The following CLSTN2 variants were observed in gnomAD, a reference collection of about 807,000 sequenced individuals.
CLSTN2 encodes the protein calsyntenin-2.
CLSTN2 carries 48 observed loss-of-function variants against 101.2 expected under a neutral mutation model. The observed-to-expected ratio is 0.47, with a 90% confidence interval of 0.38 to 0.60. The LOEUF (loss-of-function observed/expected upper bound fraction) is 0.60, where lower values mean the gene tolerates loss of function less well. Ranked by LOEUF, CLSTN2 falls within the 20% of genes least tolerant of loss-of-function variation. The pLI is 0.00. For synonymous variants in CLSTN2, 481 were observed against 463.6 expected, an observed-to-expected ratio of 1.04 and a Z score of -0.48; for missense variants, 1,160 against 1,238.2, an observed-to-expected ratio of 0.94 and a Z score of 0.95.
At chr3:139,955,206 G>A (rs1430132792) in intron 1 of CLSTN2, among the ~76,000 whole-genome samples, 6 of 143,294 alleles carry the variant, frequency 4.2e-5, no homozygotes, top group Non-Finnish European at 9.0e-5. Context: ...CTGGGTGGCT[G>A]ACCCGTGCAT....
At chr3:140,115,134 C>G (rs2009219678) in intron 1 of CLSTN2, among the ~76,000 whole-genome samples, 1 of 152,158 alleles carries the variant, frequency 6.6e-6, no homozygotes, top group African/African-American at 2.4e-5. Flanking sequence ...ACTGAAGTTC[C>G]AAGAGTTGCA....
chr3:140,294,375 T>C (rs960287270), intron 2 of CLSTN2, among the ~76,000 whole-genome samples: 9 of 152,194 alleles, frequency 5.9e-5, no homozygotes, highest in African/African-American at 2.2e-4. Flanking sequence ...TCATGCTACA[T>C]GCCTACACTG....
chr3:140,078,602 G>A (rs971571198), intron 1 of CLSTN2, among the ~76,000 whole-genome samples: 2 of 152,168 alleles, frequency 1.3e-5, no homozygotes, highest in African/African-American at 4.8e-5. Flanking sequence ...ACAAAAGAGG[G>A]CGGGAGTGAC....
intron 2 of CLSTN2, among the ~76,000 whole-genome samples, chr3:140,182,328 G>A (rs536350393): frequency 6.6e-6 from 1 of 152,164 alleles, no homozygotes; most frequent in East Asian, 1.9e-4. Context: ...CTAATATTTA[G>A]GCAGTTTATG....
chr3:140,194,901 G>A lies in CLSTN2; in HGVS notation c.232+18828G>A, dbSNP rs1471367009. ...GCCTTTTCTGATACAACCCCAGTGG[G>A]GAGAGGATAGAACTCCTCATTACTG... On this transcript the variant is annotated intron_variant, in intron 2 of 16. Transcript: ENST00000458420. Among the ~76,000 whole-genome samples the A allele has an allele frequency of 1.3e-5, 2 of 152,218 alleles. 1 individual carries two copies. The highest frequency in any genetic ancestry group is 2.9e-5 in the Non-Finnish European group (2 of 68,040).
chr3:140,431,690 C>A (rs1290394460), intron 5 of CLSTN2, among the ~76,000 whole-genome samples: 1 of 152,160 alleles, frequency 6.6e-6, no homozygotes, highest in Admixed American at 6.5e-5. Flanking sequence ...ATGCCCTGAA[C>A]CCCACACAGG....
At chr3:140,319,364 G>C (rs1157878136) in intron 2 of CLSTN2, among the ~76,000 whole-genome samples, 1 of 152,138 alleles carries the variant, frequency 6.6e-6, no homozygotes. Context: ...GGCTGCCAGT[G>C]GTACTTGGGT....
intron 2 of CLSTN2, among the ~76,000 whole-genome samples, chr3:140,360,078 A>G (rs2087711848): frequency 6.6e-6 from 1 of 152,184 alleles, no homozygotes; most frequent in African/African-American, 2.4e-5. Flanking sequence ...CATGCTGGGA[A>G]CACATTTATA....
At chr3:140,113,065 G>T (rs908937334) in intron 1 of CLSTN2, among the ~76,000 whole-genome samples, 1 of 152,114 alleles carries the variant, frequency 6.6e-6, no homozygotes, top group Non-Finnish European at 1.5e-5. Context: ...GGAACCAATT[G>T]TTAAATACTC....
At chr3:140,510,948 C>G (rs911756310) in intron 8 of CLSTN2, among the ~76,000 whole-genome samples, 6 of 152,162 alleles carry the variant, frequency 3.9e-5, no homozygotes, top group African/African-American at 1.4e-4. Context: ...CACAGATCAT[C>G]CCATCACCTA....
chr3:140,235,780 A>T (rs558031093), intron 2 of CLSTN2, among the ~76,000 whole-genome samples: 2 of 152,164 alleles, frequency 1.3e-5, no homozygotes, highest in Non-Finnish European at 2.9e-5. Flanking sequence ...ATGCCTTATG[A>T]TTGGAGGAGT....
chr3:140,144,599 G>C (rs1453137125), intron 1 of CLSTN2, among the ~76,000 whole-genome samples: 1 of 152,004 alleles, frequency 6.6e-6, no homozygotes, highest in Non-Finnish European at 1.5e-5. Flanking sequence ...CTGGGCATCA[G>C]AGCGAGACTT....
At chr3:140,013,043 G>A (rs1335566895) in intron 1 of CLSTN2, among the ~76,000 whole-genome samples, 1 of 152,192 alleles carries the variant, frequency 6.6e-6, no homozygotes, top group African/African-American at 2.4e-5. Context: ...GCATCATGGA[G>A]GCCAAGGGAG....
At chr3:140,419,373 T>G (rs1434189654) in intron 4 of CLSTN2, among the ~76,000 whole-genome samples, 1 of 145,180 alleles carries the variant, frequency 6.9e-6, no homozygotes, top group East Asian at 2.0e-4. Context: ...GTCCCAGTAC[T>G]TGGGAGGCTG....
Position 140,564,029 on chromosome 3 carries a change from G to T in CLSTN2, c.2551G>T (p.Gly851Cys). Residue 851 changes from glycine to cysteine, a missense_variant, in exon 16 of 17, where the codon GGT (glycine) becomes TGT (cysteine). Transcript: ENST00000458420. ...CATGCTTGTGTTTGTCGTGGCCATG[G>T]GTGTGTACCGGGTCCGGATCGCCCA... Reference protein sequence around the residue: ...VCMLVFVVAMGVYRVRIAHQH... With the variant: ...VCMLVFVVAMCVYRVRIAHQH... 1 of 1,614,116 alleles carries T rather than the reference G, an allele frequency of 6.2e-7. No homozygotes were observed. Among genetic ancestry groups the T allele is most frequent in the Non-Finnish European group, 8.5e-7 (1 of 1,180,002 alleles).
chr3:140,515,631 A>ACCT (rs1438873886), intron 8 of CLSTN2, among the ~76,000 whole-genome samples: 3 of 152,138 alleles, frequency 2.0e-5, no homozygotes, highest in African/African-American at 7.2e-5. Flanking sequence ...TTACCCAACA[A>ACCT]GCATTCAGGA....
chr3:140,248,663 C>A (rs753293050), intron 2 of CLSTN2, among the ~76,000 whole-genome samples: 3 of 152,166 alleles, frequency 2.0e-5, no homozygotes, highest in Admixed American at 2.0e-4. Context: ...GGCCTGGTAA[C>A]AACAACTCTA....
At chr3:140,023,921 C>T (rs1339103994) in intron 1 of CLSTN2, among the ~76,000 whole-genome samples, 1 of 152,226 alleles carries the variant, frequency 6.6e-6, no homozygotes, top group East Asian at 1.9e-4. Flanking sequence ...CTGCAGGCCT[C>T]ACTGCCTCCC....
intron 2 of CLSTN2, among the ~76,000 whole-genome samples, chr3:140,255,226 G>A (rs183264542): frequency 1.6e-4 from 24 of 152,316 alleles, no homozygotes; most frequent in East Asian, 5.8e-4. Flanking sequence ...TTCAGCCATC[G>A]TGGAAAGCAG....
Sources: gnomAD v4.1 joint callset for allele counts (sites outside exome capture counted in the v4.1 genomes callset) on GRCh38, gnomAD v4.1.1 for gene constraint, MANE v1.5 for transcripts, NCBI Gene and HGNC (gene_info 2026-07-23, HGNC 2026-07-21) for gene names.